ASB15: variants seen among roughly 807,000 people sequenced by gnomAD.
ASB15 encodes ankyrin repeat and SOCS box protein 15.
A neutral mutation model predicts 58.0 loss-of-function variants in ASB15; 54 were observed. The ratio of observed to expected loss-of-function variants is 0.93; its 90% CI spans 0.75 to 1.17. ASB15 has a LOEUF of 1.17. Among genes scored for constraint, ASB15 ranks in the 50% most tolerant of loss-of-function variants. ASB15 has a pLI of 0.00. For synonymous variants in ASB15, 249 were observed against 262.4 expected (o/e 0.95, Z 0.50); for missense variants, 680 against 707.4 (o/e 0.96, Z 0.44).
chr7:123,630,334 C>A (rs77753420), intron 11 of ASB15, among the ~76,000 whole-genome samples: 18,704 of 152,004 alleles, frequency 0.12, 1,309 homozygotes, highest in Admixed American at 0.19. Flanking sequence ...ATGAGTAATA[C>A]TACAGCTATA....
rs774344855 is a variant in ASB15, at chr7:123,624,599, C to T, written c.482C>T (p.Ser161Leu). 2 of 1,613,124 alleles carry T rather than the reference C, an allele frequency of 1.2e-6. No homozygotes were observed. Among genetic ancestry groups the T allele is most frequent in the South Asian group, 1.1e-5 (1 of 91,054 alleles). Residue 161 changes from serine to leucine, a missense_variant, in exon 8 of 12, where the codon TCG (serine) becomes TTG (leucine). Ser to Leu is a moderately radical substitution (Grantham distance 145). Transcript: ENST00000451215. ...AVKKGSYDMV[S>L]TLIKHNTSLD... ...AAAAAGGGCTCCTATGACATGGTGT[C>T]GACTCTGATCAAACATAACACTAGC...
At chr7:123,621,998 C>T (rs1801362665) in intron 7 of ASB15, among the ~76,000 whole-genome samples, 1 of 152,188 alleles carries the variant, frequency 6.6e-6, no homozygotes, top group South Asian at 2.1e-4. Flanking sequence ...CAGATCAGTT[C>T]ATTTTGCTTC....
At chr7:123,621,184 A>G (rs1299643286) in intron 7 of ASB15, among the ~76,000 whole-genome samples, 2 of 152,196 alleles carry the variant, frequency 1.3e-5, no homozygotes, top group African/African-American at 2.4e-5. Flanking sequence ...TTCATTCTCT[A>G]TGCTAGCAAT....
chr7:123,574,831 T>C (rs1799019051), intron 1 of ASB15, among the ~76,000 whole-genome samples: 1 of 152,156 alleles, frequency 6.6e-6, no homozygotes, highest in South Asian at 2.1e-4. Flanking sequence ...AGTTCCATGA[T>C]TGTTTTCCTC....
intron 1 of ASB15, among the ~76,000 whole-genome samples, chr7:123,576,489 G>A (rs1243076613): frequency 1.3e-5 from 2 of 152,008 alleles, no homozygotes; most frequent in Non-Finnish European, 2.9e-5. Context: ...TGTGCCATAG[G>A]AATTTCATGT....
chr7:123,593,758 TG>T (rs1429118916), intron 1 of ASB15, among the ~76,000 whole-genome samples: 1 of 152,152 alleles, frequency 6.6e-6, no homozygotes. Context: ...TTATGTGTCT[TG>T]GGGTTGCTCT....
intron 3 of ASB15, chr7:123,608,946 A>G (rs1041022210): frequency 4.0e-5 from 6 of 151,038 alleles, no homozygotes; most frequent in Non-Finnish European, 7.4e-5. Context: ...TTGGTATATA[A>G]CAACTGTATT....
intron 1 of ASB15, among the ~76,000 whole-genome samples, chr7:123,574,734 A>AAAAG (rs1799016056): frequency 6.6e-6 from 1 of 152,142 alleles, no homozygotes; most frequent in South Asian, 2.1e-4. Flanking sequence ...TACTTTGTTC[A>AAAAG]AAAGATCTTA....
intron 1 of ASB15, among the ~76,000 whole-genome samples, chr7:123,572,244 C>T (rs1309534587): frequency 1.4e-5 from 2 of 142,234 alleles, no homozygotes; most frequent in Non-Finnish European, 3.0e-5. Flanking sequence ...TGGGTTCAAG[C>T]GATTCTCTTG....
chr7:123,569,976 A>G (rs545108683), intron 1 of ASB15, among the ~76,000 whole-genome samples: 38 of 149,220 alleles, frequency 2.5e-4, no homozygotes, highest in African/African-American at 8.8e-4. Flanking sequence ...CTGCACTATG[A>G]TGGGATATAA....
At chr7:123,633,926 GC>G (rs1802273976) in intron 11 of ASB15, among the ~76,000 whole-genome samples, 1 of 152,140 alleles carries the variant, frequency 6.6e-6, no homozygotes, top group Non-Finnish European at 1.5e-5. Context: ...ACTTGAAGAG[GC>G]TCCAACTGGC....
At chr7:123,612,691 G>GA (rs1325441711) in intron 3 of ASB15, among the ~76,000 whole-genome samples, 2 of 151,462 alleles carry the variant, frequency 1.3e-5, no homozygotes, top group East Asian at 1.9e-4. Context: ...TGTTTAGTTG[G>GA]AAAAAAAAGA....
intron 1 of ASB15, among the ~76,000 whole-genome samples, chr7:123,602,680 G>A (rs1311521920): frequency 6.6e-6 from 1 of 152,136 alleles, no homozygotes; most frequent in Non-Finnish European, 1.5e-5. Context: ...ATAGAAATTT[G>A]CCTACAAGTT....
chr7:123,579,872 C>G (rs976420460), intron 1 of ASB15, among the ~76,000 whole-genome samples: 7 of 152,182 alleles, frequency 4.6e-5, no homozygotes, highest in Admixed American at 4.6e-4. Flanking sequence ...CTGCAGGTTT[C>G]TCTTGCCATT....
At chr7:123,619,179 C>CA (rs528943780) in intron 7 of ASB15, among the ~76,000 whole-genome samples, 8,919 of 54,832 alleles carry the variant, frequency 0.16, 990 homozygotes, top group Admixed American at 0.2. Context: ...GACGCCGTCT[C>CA]AAAAAAAAAA....
chr7:123,604,219 G>A lies in ASB15; in HGVS notation c.-64+7G>A. The A allele has an allele frequency of 6.6e-6, 1 of 152,110 alleles. No homozygotes were observed. The highest frequency in any genetic ancestry group is 1.9e-4 in the East Asian group (1 of 5,182). 9.4% of individuals were successfully genotyped at this position (152,110 alleles called of 1,614,324 possible). A position where few individuals can be genotyped will look rare whatever the true frequency, so the allele number is the denominator to read the frequency against. On this transcript the variant is annotated splice_region_variant and intron_variant, in intron 2 of 11. Transcript: ENST00000451215. ...GAAAGAGAACCAGAAAAAGGTAAGA[G>A]AAGTAGAAACATTATCTTCAGATAA...
Position 123,629,237 on chromosome 7 carries a change from G to T in ASB15, c.1243G>T (p.Asp415Tyr). ...CAATTGTTATTTTATGCATGTGAAT[G>T]ACACTCGTTTCCCCAGTGTCATTCA... is the stretch of plus-strand genomic sequence containing the variant. Reference protein sequence around the residue: ...NVNCYFMHVNDTRFPSVIQYA... With the variant: ...NVNCYFMHVNYTRFPSVIQYA... Residue 415 changes from aspartate (D) to tyrosine (Y), a missense_variant, in exon 10 of 12, where the codon GAC (aspartate) becomes TAC (tyrosine). Transcript: ENST00000451215. 1 of 1,613,978 alleles carries T rather than the reference G, an allele frequency of 6.2e-7. No homozygotes were observed. The highest frequency in any genetic ancestry group is 1.1e-5 in the South Asian group (1 of 91,052).
At chr7:123,636,724 C>A in intron 11 of ASB15, 85 bp from the exon 12 acceptor site, 1 of 1,147,898 alleles carries the variant, frequency 8.7e-7, no homozygotes, top group Non-Finnish European at 1.3e-6. Flanking sequence ...GAATACACTA[C>A]TCATGTTATT....
At chr7:123,572,596 C>A (rs898344533) in intron 1 of ASB15, among the ~76,000 whole-genome samples, 35 of 151,444 alleles carry the variant, frequency 2.3e-4, no homozygotes, top group Admixed American at 1.3e-4. Flanking sequence ...TATAATTTTT[C>A]TTTCCTTTCC....
Sources: gnomAD v4.1 joint callset for allele counts (sites outside exome capture counted in the v4.1 genomes callset) on GRCh38, gnomAD v4.1.1 for gene constraint, MANE v1.5 for transcripts, NCBI Gene and HGNC (gene_info 2026-07-23, HGNC 2026-07-21) for gene names.